SEMA3D: variants seen among roughly 807,000 people sequenced by gnomAD.
SEMA3D encodes semaphorin 3D.
Under a neutral mutation model 100.1 loss-of-function variants are expected in SEMA3D, and 84 were observed. The observed-to-expected ratio is 0.84, with a 90% confidence interval of 0.70 to 1.01. The LOEUF (loss-of-function observed/expected upper bound fraction) is 1.01, where lower values mean the gene tolerates loss of function less well. Ranked by LOEUF, SEMA3D falls within the 50% of genes least tolerant of loss-of-function variation. The pLI is 0.00. For synonymous variants in SEMA3D, 312 were observed against 320.7 expected (o/e 0.97, Z 0.29); for missense variants, 875 against 934.1 (o/e 0.94, Z 0.82).
At chr7:85,225,067 T>C in the SEMA3D span, among the ~76,000 whole-genome samples, 12 of 35,608 alleles carry the variant, frequency 3.4e-4, no homozygotes, top group Non-Finnish European at 2.5e-3. Flanking sequence ...TATATATATA[T>C]ATATATATAT....
intron 2 of SEMA3D, among the ~76,000 whole-genome samples, chr7:85,148,466 C>T (rs987600889): frequency 6.6e-5 from 10 of 152,088 alleles, no homozygotes; most frequent in African/African-American, 2.4e-4. Flanking sequence ...TTTCTACTAA[C>T]GTCCTTAGCT....
intron 8 of SEMA3D, among the ~76,000 whole-genome samples, chr7:85,064,549 T>A (rs1352594907): frequency 2.0e-5 from 3 of 152,140 alleles, no homozygotes; most frequent in Non-Finnish European, 4.4e-5. Context: ...TAAAAGGCAC[T>A]GAGAGATAGA....
At chr7:85,023,226 T>C (rs983251428) in intron 12 of SEMA3D, among the ~76,000 whole-genome samples, 1 of 151,910 alleles carries the variant, frequency 6.6e-6, no homozygotes, top group African/African-American at 2.4e-5. Context: ...TTGCCTTATG[T>C]GCCTTTCAGC....
intron 5 of SEMA3D, among the ~76,000 whole-genome samples, chr7:85,076,219 C>T (rs975864281): frequency 3.3e-5 from 5 of 151,982 alleles, no homozygotes; most frequent in South Asian, 4.1e-4. Flanking sequence ...CATGGCTTTC[C>T]GTAGGCCCTA....
chr7:85,170,257 A>G (rs955493403), intron 1 of SEMA3D, among the ~76,000 whole-genome samples: 2 of 151,876 alleles, frequency 1.3e-5, no homozygotes, highest in African/African-American at 2.4e-5. Context: ...TGATGCCTGT[A>G]CAAACCTATT....
chr7:85,072,944 G>C lies in SEMA3D; in HGVS notation c.495+18C>G. ...TATTACAATAAATTATGCTTTTCAT[G>C]CTTTTTCATTATATTACCTCCTTGT... On this transcript the variant is annotated intron_variant, in intron 6 of 18. Coordinates refer to ENST00000284136, the MANE Select transcript of SEMA3D (RefSeq NM_001384900.1). The C allele has an allele frequency of 6.4e-7, 1 of 1,573,978 alleles. No individual in the cohort carries two copies. The highest frequency in any genetic ancestry group is 8.6e-7 in the Non-Finnish European group (1 of 1,158,500).
chr7:85,127,868 A>T (rs1789609389), intron 2 of SEMA3D, among the ~76,000 whole-genome samples: 1 of 152,126 alleles, frequency 6.6e-6, no homozygotes, highest in Non-Finnish European at 1.5e-5. Context: ...ATTTTAACTC[A>T]TACAACTTTT....
Position 85,031,700 on chromosome 7 carries a change from T to A in SEMA3D, c.1191+5189A>T, listed in dbSNP as rs142110156. Among the ~76,000 whole-genome samples the A allele has an allele frequency of 5.0e-3, 767 of 152,012 alleles. 5 individuals are homozygous for A. The highest frequency in any genetic ancestry group is 0.017 in the African/African-American group (720 of 41,530). ...TGGGCTTGTTTCTTATCTATAAAAT[T>A]GGGATAATAATACCTACTCTGTGTG... On this transcript the variant is annotated intron_variant, in intron 12 of 18. Coordinates refer to ENST00000284136, the MANE Select transcript of SEMA3D (RefSeq NM_001384900.1).
At position 85,058,621 on chromosome 7, in the gene SEMA3D, G is replaced by A. The variant is rs774350917; in HGVS notation, c.719-2762C>T. On this transcript the variant is annotated intron_variant, in intron 8 of 18. Transcript: ENST00000284136. ...AAATTAGCTGGGCGTGGTGGCGGGC[G>A]CCTGCAGTCCCAGCTACTCGGGAGG... Among the ~76,000 whole-genome samples the A allele has an allele frequency of 2.7e-5, 4 of 148,178 alleles. No individual in the cohort carries two copies. The East Asian group carries it at 7.8e-4, about 29-fold the overall frequency.
chr7:85,171,654 C>T (rs1424375606), intron 1 of SEMA3D, among the ~76,000 whole-genome samples: 1 of 151,806 alleles, frequency 6.6e-6, no homozygotes, highest in Admixed American at 6.6e-5. Context: ...AAAAAGGACA[C>T]CCTTTATGTC....
chr7:85,133,758 C>T (rs745614011), intron 2 of SEMA3D, among the ~76,000 whole-genome samples: 46 of 151,964 alleles, frequency 3.0e-4, no homozygotes, highest in Non-Finnish European at 5.3e-4. Flanking sequence ...TCTGCATCTA[C>T]GAAATAGGAT....
At chr7:85,071,724 A>T (rs1476765925) in intron 6 of SEMA3D, among the ~76,000 whole-genome samples, 1 of 152,230 alleles carries the variant, frequency 6.6e-6, no homozygotes, top group African/African-American at 2.4e-5. Context: ...GGCAACTATA[A>T]GACAATGGTA....
At chr7:85,086,520 C>A (rs1788217929) in intron 4 of SEMA3D, among the ~76,000 whole-genome samples, 1 of 151,750 alleles carries the variant, frequency 6.6e-6, no homozygotes, top group Admixed American at 6.6e-5. Context: ...ATATATATCA[C>A]ATTATATATA....
the SEMA3D span, among the ~76,000 whole-genome samples, chr7:85,222,272 G>A: frequency 6.6e-6 from 1 of 150,710 alleles, no homozygotes. Flanking sequence ...AGGTAAAATT[G>A]GAATTTTGCA....
In SEMA3D at chr7:85,022,480, C is replaced by T; in HGVS notation, c.1325G>A (p.Arg442Lys). Residue 442 changes from arginine (R) to lysine (K), a missense_variant, in exon 13 of 19, where the codon AGA (arginine) becomes AAA (lysine). Arg to Lys is a conservative substitution (Grantham distance 26). Coordinates refer to ENST00000284136, the MANE Select transcript of SEMA3D (RefSeq NM_001384900.1). ...YPVAGGPTFK[R>K]INVDYRLTQI... Reference sequence around the variant, plus strand: ...TGTCAGTCTGTAATCCACATTGATTCTCTTGAACGTTGGTCCTCCTGCAAC... The same window carrying T: ...TGTCAGTCTGTAATCCACATTGATTTTCTTGAACGTTGGTCCTCCTGCAAC... 1.2e-6 allele frequency: 2 copies of T among 1,612,560 alleles called. No individual in the cohort carries two copies. The highest frequency in any genetic ancestry group is 1.7e-6 in the Non-Finnish European group (2 of 1,178,968).
chr7:85,142,474 A>C (rs1048802360), intron 2 of SEMA3D: 1 of 979,286 alleles, frequency 1.0e-6, no homozygotes, highest in African/African-American at 1.8e-5. Context: ...CAGGGAAATA[A>C]GGCATCTAGC....
the SEMA3D span, among the ~76,000 whole-genome samples, chr7:85,203,270 G>A: frequency 2.6e-5 from 4 of 152,170 alleles, no homozygotes; most frequent in African/African-American, 7.2e-5. Flanking sequence ...TTGTAAAAAT[G>A]TAAATATATT....
the SEMA3D span, among the ~76,000 whole-genome samples, chr7:85,239,620 T>C: frequency 6.6e-6 from 1 of 152,198 alleles, no homozygotes; most frequent in South Asian, 2.1e-4. Flanking sequence ...GAACTCTCAA[T>C]ATATGCTTCA....
chr7:85,081,400 T>TAC (rs2116232749), intron 5 of SEMA3D, 117 bp downstream of exon 5: 1 of 623,472 alleles, frequency 1.6e-6, no homozygotes, highest in East Asian at 2.7e-5. Flanking sequence ...TAGAATATGT[T>TAC]AGTTTAGTCT....
Sources: allele counts gnomAD v4.1 joint callset (sites outside exome capture counted in the v4.1 genomes callset), GRCh38; gene constraint gnomAD v4.1.1; transcripts MANE v1.5; gene names NCBI Gene and HGNC (gene_info 2026-07-23, HGNC 2026-07-21).